The following DLG2 variants were observed in gnomAD, a reference collection of about 807,000 sequenced individuals.
DLG2 encodes disks large homolog 2.
Under a neutral mutation model 132.5 loss-of-function variants are expected in DLG2, and 45 were observed. That is an observed-to-expected ratio of 0.34 (90% confidence interval 0.27 to 0.44). DLG2 has a LOEUF of 0.44. Among genes scored for constraint, DLG2 ranks in the 20% least tolerant of loss-of-function variants. The pLI is 1.00. For missense variants in DLG2, 1,045 were observed against 1,196.9 expected, an observed-to-expected ratio of 0.87 and a Z score of 1.87; for synonymous variants, 424 against 419.6, an observed-to-expected ratio of 1.01 and a Z score of -0.13.
At chr11:84,668,304 T>A (rs1021674770) in intron 6 of DLG2, among the ~76,000 whole-genome samples, 7 of 152,196 alleles carry the variant, frequency 4.6e-5, no homozygotes, top group Non-Finnish European at 8.8e-5. Context: ...TTCTTCTGAC[T>A]ATTTCTATCC....
At chr11:85,619,077 T>G (rs1256653366) in intron 2 of DLG2, among the ~76,000 whole-genome samples, 1 of 152,262 alleles carries the variant, frequency 6.6e-6, no homozygotes, top group East Asian at 1.9e-4. Context: ...AAAAGTATTC[T>G]TCTATTTCTC....
intron 6 of DLG2, among the ~76,000 whole-genome samples, chr11:84,564,784 G>A (rs1313162000): frequency 1.3e-5 from 2 of 152,172 alleles, no homozygotes; most frequent in African/African-American, 4.8e-5. Context: ...CCTGGCTGCT[G>A]CCACCTGGTG....
intron 7 of DLG2, among the ~76,000 whole-genome samples, chr11:84,370,888 G>A (rs7116959): frequency 2.0e-4 from 31 of 152,210 alleles, no homozygotes; most frequent in African/African-American, 6.5e-4. Flanking sequence ...CACTATAATC[G>A]TACATGTGTG....
intron 19 of DLG2, among the ~76,000 whole-genome samples, chr11:83,578,825 G>A (rs979061055): frequency 2.6e-5 from 4 of 152,116 alleles, no homozygotes; most frequent in South Asian, 2.1e-4. Flanking sequence ...TTTCAAGTGC[G>A]TATGAAACAT....
intron 3 of DLG2, among the ~76,000 whole-genome samples, chr11:85,563,605 T>C (rs1332365006): frequency 4.0e-5 from 6 of 151,678 alleles, no homozygotes; most frequent in Admixed American, 3.3e-4. Flanking sequence ...CAGCATAGTG[T>C]TTTTGAGATT....
chr11:83,934,110 C>T (rs1288517255), intron 14 of DLG2, among the ~76,000 whole-genome samples: 1 of 152,148 alleles, frequency 6.6e-6, no homozygotes, highest in Non-Finnish European at 1.5e-5. Context: ...TTGATGATTC[C>T]CATATGACAT....
chr11:85,436,245 C>T (rs780028509), intron 3 of DLG2, among the ~76,000 whole-genome samples: 2 of 152,108 alleles, frequency 1.3e-5, no homozygotes, highest in African/African-American at 4.8e-5. Context: ...AGGACATAGG[C>T]ATGGGCAAAG....
chr11:83,638,860 G>A (rs2065578009), intron 18 of DLG2, among the ~76,000 whole-genome samples: 1 of 152,116 alleles, frequency 6.6e-6, no homozygotes, highest in African/African-American at 2.4e-5. Context: ...TTATCTCAAG[G>A]CCTTGAGCTA....
At chr11:83,711,427 T>A (rs1454694968) in intron 18 of DLG2, among the ~76,000 whole-genome samples, 1 of 152,208 alleles carries the variant, frequency 6.6e-6, no homozygotes, top group Non-Finnish European at 1.5e-5. Context: ...CGTCCATCTG[T>A]GACTTGACGT....
chr11:84,937,608 A>T (rs1591552306), intron 6 of DLG2, among the ~76,000 whole-genome samples: 1 of 152,112 alleles, frequency 6.6e-6, no homozygotes, highest in East Asian at 1.9e-4. Flanking sequence ...GGGGGAGAGG[A>T]CATGAGGAAA....
chr11:84,594,015 T>A (rs913127829), intron 6 of DLG2, among the ~76,000 whole-genome samples: 5 of 152,178 alleles, frequency 3.3e-5, no homozygotes, highest in Admixed American at 1.3e-4. Context: ...GAAATGCCAA[T>A]ACATTTTTTT....
Position 85,412,764 on chromosome 11 carries a change from TA to T in DLG2, c.41-127400del. Among the ~76,000 whole-genome samples, 2 of 54,266 alleles carry T rather than the reference TA, an allele frequency of 3.7e-5. 1 individual carries two copies. Among genetic ancestry groups the T allele is most frequent in the Middle Eastern group, 0.025 (2 of 80 alleles). 35.6% of individuals were successfully genotyped at this position (54,266 alleles called of 152,430 possible). A position where few individuals can be genotyped will look rare whatever the true frequency, so the allele number is the denominator to read the frequency against. On this transcript the variant is annotated intron_variant, in intron 3 of 27. Coordinates refer to ENST00000376104, the MANE Select transcript of DLG2 (RefSeq NM_001142699.3). Reference sequence around the variant, plus strand: ...ACACACACACACACACACACACATATATATATATATATATATATATATCACA... The same window carrying T: ...ACACACACACACACACACACACATATTATATATATATATATATATATCACA...
chr11:84,498,514 A>G (rs994894691), intron 7 of DLG2, among the ~76,000 whole-genome samples: 2 of 152,198 alleles, frequency 1.3e-5, no homozygotes, highest in African/African-American at 4.8e-5. Context: ...TACAAATATC[A>G]TCAATTATAA....
chr11:83,688,637 A>C (rs1295132842), intron 18 of DLG2, among the ~76,000 whole-genome samples: 2 of 152,216 alleles, frequency 1.3e-5, no homozygotes, highest in Non-Finnish European at 2.9e-5. Flanking sequence ...ATGTGTGCAT[A>C]CATATAAACA....
At position 85,283,273 on chromosome 11, in the gene DLG2, A is replaced by T. The variant is rs188916691; in HGVS notation, c.186+1947T>A. 1.2e-3 allele frequency among the ~76,000 whole-genome samples: 177 copies of T among 151,870 alleles called. 1 individual carries two copies. Among genetic ancestry groups the T allele is most frequent in the African/African-American group, 4.1e-3 (170 of 41,492 alleles). On this transcript the variant is annotated intron_variant, in intron 4 of 27. Transcript: ENST00000376104. Reference sequence around the variant, plus strand: ...TGATTAATTAATTAATTACTTTTTTAAAAAAAAGAAAATTGAAAAATCAAA... The same window carrying T: ...TGATTAATTAATTAATTACTTTTTTTAAAAAAAGAAAATTGAAAAATCAAA...
chr11:85,512,443 T>C (rs1263223913), intron 3 of DLG2, among the ~76,000 whole-genome samples: 1 of 152,144 alleles, frequency 6.6e-6, no homozygotes, highest in Non-Finnish European at 1.5e-5. Flanking sequence ...CATCAAATAA[T>C]TAAGTGCCTT....
intron 11 of DLG2, among the ~76,000 whole-genome samples, chr11:83,997,364 T>A (rs2094097412): frequency 6.6e-6 from 1 of 152,136 alleles, no homozygotes; most frequent in African/African-American, 2.4e-5. Context: ...CAGCACCTCA[T>A]GCCTTATTTC....
At chr11:85,546,673 T>C (rs1250272972) in intron 3 of DLG2, among the ~76,000 whole-genome samples, 2 of 152,200 alleles carry the variant, frequency 1.3e-5, no homozygotes, top group Non-Finnish European at 2.9e-5. Context: ...ATCTGGGTGC[T>C]CCTGTATTGG....
At chr11:85,399,455 A>C (rs565949012) in intron 3 of DLG2, among the ~76,000 whole-genome samples, 22 of 152,308 alleles carry the variant, frequency 1.4e-4, no homozygotes, top group African/African-American at 4.8e-4. Flanking sequence ...GGAACCAAAA[A>C]AGAGCCCGCA....
Sources: gnomAD v4.1 joint callset for allele counts (sites outside exome capture counted in the v4.1 genomes callset) on GRCh38, gnomAD v4.1.1 for gene constraint, MANE v1.5 for transcripts, NCBI Gene and HGNC (gene_info 2026-07-23, HGNC 2026-07-21) for gene names.